GABRA2: variants seen among roughly 807,000 people sequenced by gnomAD.
The protein encoded by GABRA2 is gamma-aminobutyric acid receptor subunit alpha-2.
In GABRA2, 16 loss-of-function variants were observed where a neutral mutation model predicts 48.7. The ratio of observed to expected loss-of-function variants is 0.33; its 90% CI spans 0.22 to 0.50. The LOEUF (loss-of-function observed/expected upper bound fraction) is 0.50. Ranked by LOEUF, GABRA2 falls within the 20% of genes least tolerant of loss-of-function variation. The pLI, the probability that GABRA2 is intolerant of heterozygous loss-of-function variation, is 0.98. For missense variants in GABRA2, 275 were observed against 535.6 expected, an observed-to-expected ratio of 0.51 and a Z score of 4.80; for synonymous variants, 185 against 184.5, an observed-to-expected ratio of 1.00 and a Z score of -0.02.
Position 46,315,178 on chromosome 4 carries a change from T to A in GABRA2, c.256-2462A>T, listed in dbSNP as rs553566649. Among the ~76,000 whole-genome samples the A allele has an allele frequency of 1.3e-3, 202 of 151,672 alleles. 1 individual carries two copies. Among genetic ancestry groups the A allele is most frequent in the African/African-American group, 4.7e-3 (196 of 41,368 alleles). On this transcript the variant is annotated intron_variant, in intron 4 of 9. Coordinates refer to ENST00000381620, the MANE Select transcript of GABRA2 (RefSeq NM_000807.4). ...TCTAACTTTTTAATAATGGCCATTC[T>A]GACTGATATAAGATAGTATCTCATT...
chr4:46,294,863 G>A (rs2109562520), intron 8 of GABRA2, among the ~76,000 whole-genome samples: 1 of 152,208 alleles, frequency 6.6e-6, no homozygotes, highest in South Asian at 2.1e-4. Flanking sequence ...GGTGCTTTCT[G>A]ACCCATCTAA....
chr4:46,386,218 A>T, intron 2 of GABRA2, 29 bp from the exon 3 acceptor site: 1 of 1,353,804 alleles, frequency 7.4e-7, no homozygotes, highest in Non-Finnish European at 1.0e-6. Flanking sequence ...AAGCTGATAT[A>T]TATACATATG....
intron 9 of GABRA2, among the ~76,000 whole-genome samples, chr4:46,252,675 A>G (rs548328916): frequency 6.6e-6 from 1 of 151,430 alleles, no homozygotes; most frequent in Non-Finnish European, 1.5e-5. Flanking sequence ...ATTCTTGTTG[A>G]GGTTTATATC....
At chr4:46,300,396 A>G (rs908227865) in intron 8 of GABRA2, among the ~76,000 whole-genome samples, 13 of 151,808 alleles carry the variant, frequency 8.6e-5, no homozygotes, top group Non-Finnish European at 1.6e-4. Flanking sequence ...TTTTCTGGTC[A>G]TTCCAATTAG....
chr4:46,370,737 T>A (rs1297080486), intron 3 of GABRA2, among the ~76,000 whole-genome samples: 1 of 152,156 alleles, frequency 6.6e-6, no homozygotes, highest in East Asian at 1.9e-4. Context: ...GCAGCCTTTG[T>A]GTCCTTCCAG....
Position 46,264,984 on chromosome 4 carries a change from T to C in GABRA2, c.857-2856A>G, listed in dbSNP as rs545921148. Among the ~76,000 whole-genome samples, 472 of 119,632 alleles carry C rather than the reference T, an allele frequency of 3.9e-3. 8 individuals carry two copies. Among genetic ancestry groups the C allele is most frequent in the African/African-American group, 0.018 (426 of 23,980 alleles). The allele number at this position is 119,632 out of a possible 152,430, so 78.5% of individuals were successfully genotyped here. ...TACAATTGTTCCCAGAATTACTTTA[T>C]ACATATATATATATATATGTATAAA... On this transcript the variant is annotated intron_variant, in intron 8 of 9. Transcript: ENST00000381620.
At chr4:46,340,204 A>C (rs1324199828) in intron 3 of GABRA2, among the ~76,000 whole-genome samples, 3 of 151,842 alleles carry the variant, frequency 2.0e-5, no homozygotes, top group Non-Finnish European at 4.4e-5. Flanking sequence ...TCTTTTTTTA[A>C]AAGAAAATAA....
intron 3 of GABRA2, among the ~76,000 whole-genome samples, chr4:46,338,858 G>A (rs768270292): frequency 9.9e-5 from 15 of 151,886 alleles, no homozygotes; most frequent in Non-Finnish European, 1.9e-4. Flanking sequence ...TAAATAGACA[G>A]CTACTGAGAA....
chr4:46,299,940 T>C (rs1725449607), intron 8 of GABRA2, among the ~76,000 whole-genome samples: 1 of 151,892 alleles, frequency 6.6e-6, no homozygotes, highest in African/African-American at 2.4e-5. Context: ...GATATTACAA[T>C]CTACTTCATT....
At position 46,248,928 on chromosome 4, in the gene GABRA2, C is replaced by T. The variant is rs755688379; in HGVS notation, c.*1380G>A. The T allele has an allele frequency of 1.3e-4, 19 of 150,952 alleles. No individual in the cohort carries two copies. The highest frequency in any genetic ancestry group is 3.9e-4 in the East Asian group (2 of 5,120). The allele number at this position is 150,952 out of a possible 1,614,324, so 9.4% of individuals were successfully genotyped here. A position where few individuals can be genotyped will look rare whatever the true frequency, so the allele number is the denominator to read the frequency against. On this transcript the variant is annotated 3_prime_UTR_variant, in exon 10 of 10. Coordinates refer to ENST00000381620, the MANE Select transcript of GABRA2 (RefSeq NM_000807.4). ...ATCTTTAACTTTTATTAGCATATTTCGGGGCATAAATAATATTTTAAGATA... is the reference window on the plus strand; with the variant it reads ...ATCTTTAACTTTTATTAGCATATTTTGGGGCATAAATAATATTTTAAGATA...
chr4:46,249,627 A>C lies in GABRA2; in HGVS notation c.*681T>G, dbSNP rs957525148. ...AGGATTTCAATTATTACTTTCAAAT[A>C]AACTCTGAAGCTAAAAATGTAATGA... On this transcript the variant is annotated 3_prime_UTR_variant, in exon 10 of 10. Transcript: ENST00000381620. The C allele has an allele frequency of 6.6e-6, 1 of 151,466 alleles. No homozygotes were observed. The highest frequency in any genetic ancestry group is 2.4e-5 in the African/African-American group (1 of 41,362). 9.4% of individuals were successfully genotyped at this position (151,466 alleles called of 1,614,324 possible). A position where few individuals can be genotyped will look rare whatever the true frequency, so the allele number is the denominator to read the frequency against.
rs1560482762 is a variant in GABRA2, at chr4:46,289,915, T to TTATTTTTAA, written c.856+13544_856+13545insTTAAAAATA. On this transcript the variant is annotated intron_variant, in intron 8 of 9. Coordinates refer to ENST00000381620, the MANE Select transcript of GABRA2 (RefSeq NM_000807.4). ...TATTTATTTATTTATTTATTTTTAT[T>TTATTTTTAA]TTTTTTTTTTTTTTGAGACTGAGTC... is the stretch of plus-strand genomic sequence containing the variant. Among the ~76,000 whole-genome samples, 485 of 125,112 alleles carry TTATTTTTAA rather than the reference T, an allele frequency of 3.9e-3. 6 individuals are homozygous for TTATTTTTAA. The highest frequency in any genetic ancestry group is 0.02 in the African/African-American group (441 of 22,182). 82.1% of individuals were successfully genotyped at this position (125,112 alleles called of 152,430 possible).
intron 2 of GABRA2, among the ~76,000 whole-genome samples, chr4:46,386,520 A>G (rs1188934946): frequency 6.6e-6 from 1 of 152,200 alleles, no homozygotes; most frequent in African/African-American, 2.4e-5. Context: ...ACATGCAAAC[A>G]CTATTAGTAT....
At chr4:46,257,557 CATA>C (rs796217345) in intron 9 of GABRA2, among the ~76,000 whole-genome samples, 4 of 151,704 alleles carry the variant, frequency 2.6e-5, no homozygotes, top group Admixed American at 6.6e-5. Flanking sequence ...GAAGCAAAAA[CATA>C]ATAAAAAATC....
At chr4:46,327,791 A>G (rs1730642057) in intron 4 of GABRA2, among the ~76,000 whole-genome samples, 1 of 152,058 alleles carries the variant, frequency 6.6e-6, no homozygotes. Flanking sequence ...AACCAAGGTC[A>G]TACTTACCAG....
chr4:46,244,791 A>G lies in GABRA2; in HGVS notation c.*5517T>C, dbSNP rs1215700681. 6.6e-6 allele frequency among the ~76,000 whole-genome samples: 1 copy of G among 151,506 alleles called. No homozygotes were observed. Among genetic ancestry groups the G allele is most frequent in the African/African-American group, 2.4e-5 (1 of 41,386 alleles). On this transcript the variant is annotated 3_prime_UTR_variant, in exon 10 of 10. Transcript: ENST00000381620. ...GTGAACCAAAAAAGAAAACTGCAATATATTCCCAGAAACTAAATTGTACCA... is the reference window on the plus strand; with the variant it reads ...GTGAACCAAAAAAGAAAACTGCAATGTATTCCCAGAAACTAAATTGTACCA...
rs1377608458 is a variant in GABRA2, at chr4:46,378,290, G to A, written c.187+7784C>T. Among the ~76,000 whole-genome samples the A allele has an allele frequency of 5.3e-5, 8 of 152,208 alleles. No homozygotes were observed. In the East Asian group the frequency reaches 9.7e-4, roughly 18 times the overall value. On this transcript the variant is annotated intron_variant, in intron 3 of 9. Coordinates refer to ENST00000381620, the MANE Select transcript of GABRA2 (RefSeq NM_000807.4). ...TGTGTAGAAAGAGGTAGACGTGGGA[G>A]ACTTTTCATTTTGTTCTGTACTAAG...
intron 3 of GABRA2, among the ~76,000 whole-genome samples, chr4:46,332,896 A>G (rs1731612055): frequency 6.6e-6 from 1 of 152,144 alleles, no homozygotes; most frequent in Non-Finnish European, 1.5e-5. Context: ...TAGAAGTATT[A>G]TGACATTCTT....
intron 3 of GABRA2, among the ~76,000 whole-genome samples, chr4:46,358,026 C>T (rs950793496): frequency 2.0e-5 from 3 of 152,008 alleles, no homozygotes; most frequent in African/African-American, 7.2e-5. Flanking sequence ...TAAAACATAA[C>T]GTTAGTATGA....
Sources: allele counts gnomAD v4.1 joint callset (sites outside exome capture counted in the v4.1 genomes callset), GRCh38; gene constraint gnomAD v4.1.1; transcripts MANE v1.5; gene names NCBI Gene and HGNC (gene_info 2026-07-23, HGNC 2026-07-21).